Variants in EPG5 observed in about 807,000 individuals in gnomAD.
The protein encoded by EPG5 is ectopic P granules protein 5 homolog.
EPG5 carries 159 observed loss-of-function variants against 302.7 expected under a neutral mutation model. That is an observed-to-expected ratio of 0.53 (90% CI 0.46 to 0.60). The LOEUF (loss-of-function observed/expected upper bound fraction) is 0.60. Among genes scored for constraint, EPG5 ranks in the 20% least tolerant of loss-of-function variants. The probability of loss-of-function intolerance (pLI) is 0.00; values close to 1 mark genes in which losing one functional copy is unlikely to be tolerated. For synonymous variants in EPG5, 1,158 were observed against 1,136.8 expected (o/e 1.02, Z -0.37); for missense variants, 2,896 against 3,092.4 (o/e 0.94, Z 1.51).
intron 17 of EPG5, 79 bp downstream of exon 17, chr18:45,917,600 T>C: frequency 6.5e-7 from 1 of 1,547,316 alleles, no homozygotes. Flanking sequence ...TTATTTTACT[T>C]AAGAAACCAG....
intron 11 of EPG5, among the ~76,000 whole-genome samples, chr18:45,933,326 C>T (rs533166064): frequency 2.1e-4 from 32 of 152,174 alleles, no homozygotes; most frequent in Non-Finnish European, 3.5e-4. Context: ...CAAAAGAGGA[C>T]GCATGCAGAG....
chr18:45,804,160 T>A, the EPG5 span, among the ~76,000 whole-genome samples: 1 of 152,170 alleles, frequency 6.6e-6, no homozygotes, highest in Non-Finnish European at 1.5e-5. Flanking sequence ...TATCTAATTT[T>A]AAAAAATTAA....
At chr18:45,934,098 G>A (rs1568167965) in intron 11 of EPG5, among the ~76,000 whole-genome samples, 1 of 152,134 alleles carries the variant, frequency 6.6e-6, no homozygotes, top group East Asian at 1.9e-4. Context: ...AGACCAGCCT[G>A]GGCAACATGA....
chr18:45,931,743 G>A (rs2050401741), intron 11 of EPG5, among the ~76,000 whole-genome samples: 1 of 152,064 alleles, frequency 6.6e-6, no homozygotes, highest in African/African-American at 2.4e-5. Flanking sequence ...ACTGACGCAG[G>A]AGAATCACTT....
chr18:45,841,589 T>C, the EPG5 span, among the ~76,000 whole-genome samples: 8,908 of 151,790 alleles, frequency 0.059, 502 homozygotes, highest in African/African-American at 0.15. Context: ...GGGAAGTGGG[T>C]AGACGGGAGG....
Position 45,948,529 on chromosome 18 carries a change from G to C in EPG5, c.1545C>G (p.Ser515=), listed in dbSNP as rs1290525573. Reference sequence around the variant, plus strand: ...TGACAGGAGACATCAGCAGGGCAAGGGATTGCATAAAATGAAAGACCCCTG... The same window carrying C: ...TGACAGGAGACATCAGCAGGGCAAGCGATTGCATAAAATGAAAGACCCCTG... ...NPSGVFHFMQ[S]LALLMSPVKN... The change falls in exon 6 of 44, where the codon TCC becomes TCG. Residue 515 remains serine, a synonymous_variant. Coordinates refer to ENST00000282041, the MANE Select transcript of EPG5 (RefSeq NM_020964.3). The C allele has an allele frequency of 6.2e-7, 1 of 1,613,690 alleles. No individual in the cohort carries two copies. The highest frequency in any genetic ancestry group is 1.3e-5 in the African/African-American group (1 of 74,876).
In EPG5 at chr18:45,967,290, TCAAG is replaced by T; in HGVS notation, c.-55_-52del. 6.6e-7 allele frequency: 1 copy of T among 1,504,154 alleles called. No individual in the cohort carries two copies. The highest frequency in any genetic ancestry group is 8.9e-7 in the Non-Finnish European group (1 of 1,118,182). The allele number at this position is 1,504,154 out of a possible 1,614,324, so 93.2% of individuals were successfully genotyped here. A position where few individuals can be genotyped will look rare whatever the true frequency, so the allele number is the denominator to read the frequency against. On this transcript the variant is annotated 5_prime_UTR_variant, in exon 1 of 44. Coordinates refer to ENST00000282041, the MANE Select transcript of EPG5 (RefSeq NM_020964.3). ...TTTGTTTTTGTCAAACCCCTGCGCTTCAAGCAACCTGCCCGGTTCTGGCCTCCGG... is the reference window on the plus strand; with the variant it reads ...TTTGTTTTTGTCAAACCCCTGCGCTTCAACCTGCCCGGTTCTGGCCTCCGG...
chr18:45,913,535 T>C (rs1217243448), intron 21 of EPG5, among the ~76,000 whole-genome samples, 171 bp downstream of exon 21: 2 of 152,174 alleles, frequency 1.3e-5, no homozygotes, highest in Non-Finnish European at 2.9e-5. Flanking sequence ...AAACAAACCT[T>C]GAGAAGCAAG....
chr18:45,947,207 G>C (rs1188931416), intron 6 of EPG5, among the ~76,000 whole-genome samples: 1 of 152,166 alleles, frequency 6.6e-6, no homozygotes, highest in African/African-American at 2.4e-5. Context: ...GAGGTCAAGA[G>C]ATCGAGACCA....
At chr18:45,935,361 G>A (rs1267694400) in intron 10 of EPG5, among the ~76,000 whole-genome samples, 1 of 152,140 alleles carries the variant, frequency 6.6e-6, no homozygotes, top group African/African-American at 2.4e-5. Flanking sequence ...TGACCAACAT[G>A]GTGAAACCCC....
chr18:45,953,555 C>G (rs968668503), intron 2 of EPG5: 1 of 985,254 alleles, frequency 1.0e-6, no homozygotes, highest in African/African-American at 1.7e-5. Flanking sequence ...TCAAGAGTAA[C>G]CTCTTCTTCC....
chr18:45,914,609 C>T (rs1392695587), intron 20 of EPG5, among the ~76,000 whole-genome samples: 1 of 152,224 alleles, frequency 6.6e-6, no homozygotes, highest in East Asian at 1.9e-4. Context: ...ATCATTATTC[C>T]CATTTGACAA....
intron 1 of EPG5, among the ~76,000 whole-genome samples, chr18:45,963,684 T>A (rs1302481674): frequency 6.6e-6 from 1 of 152,116 alleles, no homozygotes; most frequent in East Asian, 1.9e-4. Context: ...GTGGTAGAAC[T>A]GAGGCTGAGG....
the EPG5 span, among the ~76,000 whole-genome samples, chr18:45,835,244 A>AC: frequency 4.6e-5 from 7 of 152,230 alleles, no homozygotes; most frequent in East Asian, 1.2e-3. Context: ...CAAGTAAGAG[A>AC]CCCCATGGCC....
chr18:45,916,561 C>T lies in EPG5; in HGVS notation c.3261G>A (p.Leu1087=), dbSNP rs1599566104. 2.5e-6 allele frequency: 4 copies of T among 1,603,152 alleles called. No homozygotes were observed. The highest frequency in any genetic ancestry group is 3.4e-6 in the Non-Finnish European group (4 of 1,170,886). ...GGACACCGCTGTCCAAGTGTAGGAA[C>T]AAGAGGAGATGCGATAAAAACCTGC... ...KNEQFLSHLL[L]FLHLDSGVPQ... is the part of the protein sequence containing the mutation. Residue 1087 remains leucine, a synonymous_variant, in exon 18 of 44, where the codon TTG becomes TTA. Transcript: ENST00000282041.
intron 29 of EPG5, among the ~76,000 whole-genome samples, chr18:45,886,393 C>T (rs1465617413): frequency 6.6e-6 from 1 of 152,142 alleles, no homozygotes; most frequent in Non-Finnish European, 1.5e-5. Context: ...TATTTATTAA[C>T]ATGAAATAAT....
At chr18:45,887,703 CG>C in intron 29 of EPG5, 47 bp downstream of exon 29, 1 of 1,414,750 alleles carries the variant, frequency 7.1e-7, no homozygotes, top group South Asian at 1.6e-5. Flanking sequence ...AGACAGACAC[CG>C]CAGAGACTCA....
At chr18:45,917,000 T>G (rs940918084) in intron 17 of EPG5, among the ~76,000 whole-genome samples, 12 of 152,192 alleles carry the variant, frequency 7.9e-5, no homozygotes, top group Non-Finnish European at 1.8e-4. Context: ...ACCTAACCCA[T>G]TTCTACTAAA....
chr18:45,894,591 T>C (rs1014939897), intron 27 of EPG5, among the ~76,000 whole-genome samples: 8 of 152,112 alleles, frequency 5.3e-5, no homozygotes, highest in African/African-American at 1.7e-4. Context: ...GGAAAGAACA[T>C]CTCAATTCGA....
Sources: gnomAD v4.1 joint callset for allele counts (sites outside exome capture counted in the v4.1 genomes callset) on GRCh38, gnomAD v4.1.1 for gene constraint, MANE v1.5 for transcripts, NCBI Gene and HGNC (gene_info 2026-07-23, HGNC 2026-07-21) for gene names.